The following GPD2 variants were observed in gnomAD, a reference collection of about 807,000 sequenced individuals.
The protein encoded by GPD2 is glycerol-3-phosphate dehydrogenase 2, also known as glycerol-3-phosphate dehydrogenase, mitochondrial.
In GPD2, 54 loss-of-function variants were observed where a neutral mutation model predicts 82.4. That is an observed-to-expected ratio of 0.66 (90% CI 0.53 to 0.82). The LOEUF (loss-of-function observed/expected upper bound fraction) is 0.82, where lower values mean the gene tolerates loss of function less well. Ranked by LOEUF, GPD2 falls within the 40% of genes least tolerant of loss-of-function variation. The probability of loss-of-function intolerance (pLI) is 0.00; values close to 1 mark genes in which losing one functional copy is unlikely to be tolerated. For missense variants in GPD2, 748 were observed against 896.2 expected (o/e 0.83, Z 2.11); for synonymous variants, 288 against 306.1 (o/e 0.94, Z 0.62).
chr2:156,530,827 G>T (rs1685826959), intron 6 of GPD2, among the ~76,000 whole-genome samples: 1 of 152,138 alleles, frequency 6.6e-6, no homozygotes, highest in Non-Finnish European at 1.5e-5. Flanking sequence ...GCTGGATTCG[G>T]TTTTTTAAAG....
chr2:156,401,307 CAGAG>C, the GPD2 span, among the ~76,000 whole-genome samples: 3 of 152,132 alleles, frequency 2.0e-5, no homozygotes, highest in Non-Finnish European at 4.4e-5. Context: ...TATTCAAAAA[CAGAG>C]AAAGCAATTA....
chr2:156,403,410 T>C, the GPD2 span, among the ~76,000 whole-genome samples: 1 of 152,156 alleles, frequency 6.6e-6, no homozygotes, highest in Non-Finnish European at 1.5e-5. Flanking sequence ...TCTCCTTGTA[T>C]GAGGGTGTAA....
intron 6 of GPD2, among the ~76,000 whole-genome samples, chr2:156,532,379 C>G (rs1202454530): frequency 6.6e-6 from 1 of 152,200 alleles, no homozygotes; most frequent in African/African-American, 2.4e-5. Flanking sequence ...CCTTTAGTTA[C>G]ATCTAGGTAT....
chr2:156,454,840 T>G (rs1682732774), intron 1 of GPD2, among the ~76,000 whole-genome samples: 1 of 152,114 alleles, frequency 6.6e-6, no homozygotes, highest in South Asian at 2.1e-4. Flanking sequence ...GCAGCTCCTG[T>G]TGCTTAGTGG....
Position 156,578,907 on chromosome 2 carries a change from A to C in GPD2, c.1786A>C (p.Arg596=), listed in dbSNP as rs916040643. Residue 596 remains arginine, a synonymous_variant, in exon 14 of 17, where the codon AGG becomes CGG. Coordinates refer to ENST00000438166, the MANE Select transcript of GPD2 (RefSeq NM_000408.5). ...GTTTTAGGAACAACTTGAAACAGCCAGGAAGTTTCTATATTATGAAATGGG... is the reference window on the plus strand; with the variant it reads ...GTTTTAGGAACAACTTGAAACAGCCCGGAAGTTTCTATATTATGAAATGGG... ...YKKQEQLETA[R]KFLYYEMGYK... is the part of the protein sequence containing the mutation. 6.2e-7 allele frequency: 1 copy of C among 1,602,352 alleles called. No individual in the cohort carries two copies. Among genetic ancestry groups the C allele is most frequent in the South Asian group, 1.1e-5 (1 of 90,838 alleles).
the GPD2 span, among the ~76,000 whole-genome samples, chr2:156,430,253 A>T: frequency 5.3e-5 from 8 of 152,132 alleles, no homozygotes; most frequent in Non-Finnish European, 1.0e-4. Context: ...ACTCAATCCC[A>T]GTTTGGCCAT....
chr2:156,554,622 T>A (rs1686892634), intron 8 of GPD2, among the ~76,000 whole-genome samples: 1 of 152,190 alleles, frequency 6.6e-6, no homozygotes, highest in Non-Finnish European at 1.5e-5. Context: ...ACACAGAAAT[T>A]ATTTTTAAAG....
At chr2:156,513,797 C>T (rs1685094564) in intron 6 of GPD2, among the ~76,000 whole-genome samples, 1 of 152,166 alleles carries the variant, frequency 6.6e-6, no homozygotes, top group South Asian at 2.1e-4. Context: ...ACCCTCATGC[C>T]ATGTAATTTG....
At chr2:156,485,883 A>G (rs944593402) in intron 2 of GPD2, among the ~76,000 whole-genome samples, 1 of 152,212 alleles carries the variant, frequency 6.6e-6, no homozygotes, top group Non-Finnish European at 1.5e-5. Flanking sequence ...CAAATGAGCT[A>G]TATTTCTTTT....
At chr2:156,436,128 C>T (rs992518817), upstream of GPD2, among the ~76,000 whole-genome samples, 1 of 152,228 alleles carries the variant, frequency 6.6e-6, no homozygotes, top group Admixed American at 6.5e-5. Flanking sequence ...ACCTCGCTCG[C>T]CGCCCGCTGT....
Position 156,549,601 on chromosome 2 carries a change from G to T in GPD2, c.662-7G>T, listed in dbSNP as rs373926940. ...CTCTCCCTCCCCTGATGCTTTCCCC[G>T]CTGCAGGACAACATAACGATGCACG... On this transcript the variant is annotated splice_region_variant and splice_polypyrimidine_tract_variant and intron_variant, in intron 6 of 16. Transcript: ENST00000438166. 1.9e-6 allele frequency: 3 copies of T among 1,613,682 alleles called. No individual in the cohort carries two copies. The African/African-American group carries it at 4.0e-5, about 22-fold the overall frequency.
At chr2:156,406,044 CTTT>C in the GPD2 span, among the ~76,000 whole-genome samples, 1 of 140,702 alleles carries the variant, frequency 7.1e-6, no homozygotes. Flanking sequence ...AAAGCAATGC[CTTT>C]TTTTTTTTTT....
At chr2:156,528,683 G>A (rs1685708881) in intron 6 of GPD2, among the ~76,000 whole-genome samples, 1 of 147,448 alleles carries the variant, frequency 6.8e-6, no homozygotes, top group African/African-American at 2.5e-5. Context: ...GTGAGAATAT[G>A]TGGTGTTCGG....
chr2:156,414,204 T>C, the GPD2 span, among the ~76,000 whole-genome samples: 1 of 152,230 alleles, frequency 6.6e-6, no homozygotes, highest in South Asian at 2.1e-4. Context: ...AGAACAAATG[T>C]CATCAATGTA....
chr2:156,509,765 C>CTTT (rs60361072), intron 3 of GPD2, among the ~76,000 whole-genome samples: 12 of 117,370 alleles, frequency 1.0e-4, no homozygotes, highest in Non-Finnish European at 1.3e-4. Flanking sequence ...ATATGTTCTT[C>CTTT]TTTTTTTTTT....
intron 16 of GPD2, among the ~76,000 whole-genome samples, chr2:156,581,327 A>G (rs932157969): frequency 1.3e-5 from 2 of 152,072 alleles, no homozygotes; most frequent in African/African-American, 4.8e-5. Flanking sequence ...TTCTTGTAAT[A>G]TGGTTTCTAG....
intron 6 of GPD2, among the ~76,000 whole-genome samples, chr2:156,535,392 G>C (rs1278951177): frequency 1.7e-5 from 2 of 118,888 alleles, no homozygotes; most frequent in East Asian, 3.0e-4. Flanking sequence ...AAAGACCTGG[G>C]GGGGGGCGGG....
chr2:156,532,052 G>C (rs957668632), intron 6 of GPD2, among the ~76,000 whole-genome samples: 12 of 151,824 alleles, frequency 7.9e-5, no homozygotes, highest in African/African-American at 2.9e-4. Flanking sequence ...TGTTAGGCTG[G>C]AGTACAGTGG....
intron 1 of GPD2, among the ~76,000 whole-genome samples, chr2:156,471,223 C>T (rs1452449398): frequency 6.6e-6 from 1 of 152,206 alleles, no homozygotes; most frequent in Admixed American, 6.5e-5. Flanking sequence ...GACAGTTGTG[C>T]AAAACATCAG....
Sources: allele counts gnomAD v4.1 joint callset (sites outside exome capture counted in the v4.1 genomes callset), GRCh38; gene constraint gnomAD v4.1.1; transcripts MANE v1.5; gene names NCBI Gene and HGNC (gene_info 2026-07-23, HGNC 2026-07-21).